Variants in GREB1L observed in about 807,000 individuals in gnomAD.
GREB1L encodes GREB1 like retinoic acid receptor coactivator, also known as GREB1-like protein.
GREB1L carries 17 observed loss-of-function variants against 200.8 expected under a neutral mutation model. The ratio of observed to expected loss-of-function variants is 0.08; its 90% CI spans 0.06 to 0.13. The LOEUF (loss-of-function observed/expected upper bound fraction) is 0.13. GREB1L is among the 10% of genes least tolerant of loss of function. GREB1L has a pLI of 1.00. For synonymous variants in GREB1L, 789 were observed against 893.0 expected, an observed-to-expected ratio of 0.88 and a Z score of 2.08; for missense variants, 1,657 against 2,367.7, an observed-to-expected ratio of 0.70 and a Z score of 6.23.
At chr18:21,413,464 C>G (rs986940813) in intron 7 of GREB1L, among the ~76,000 whole-genome samples, 14 of 152,196 alleles carry the variant, frequency 9.2e-5, no homozygotes, top group African/African-American at 3.1e-4. Flanking sequence ...CTTATGAATA[C>G]TCAGTTAATG....
chr18:21,248,059 T>G (rs535537724), intron 1 of GREB1L, among the ~76,000 whole-genome samples: 43 of 152,364 alleles, frequency 2.8e-4, no homozygotes, highest in Non-Finnish European at 4.1e-4. Context: ...CATTTTTGCA[T>G]GCTAACCATG....
intron 1 of GREB1L, among the ~76,000 whole-genome samples, chr18:21,364,797 C>T (rs565726974): frequency 6.7e-6 from 1 of 150,124 alleles, no homozygotes; most frequent in South Asian, 2.1e-4. Context: ...CAAAAATTAG[C>T]AATTTTAGAC....
intron 1 of GREB1L, among the ~76,000 whole-genome samples, chr18:21,358,608 C>A (rs1207366864): frequency 3.3e-5 from 5 of 152,210 alleles, no homozygotes. Flanking sequence ...AGCCACCGCG[C>A]CCAGCCTGTT....
intron 17 of GREB1L, among the ~76,000 whole-genome samples, chr18:21,481,477 G>GTA (rs754521942): frequency 1.3e-4 from 17 of 133,320 alleles, no homozygotes; most frequent in Admixed American, 3.8e-4. Context: ...GTGTGTGTGT[G>GTA]TATATATATA....
intron 17 of GREB1L, chr18:21,485,258 C>G (rs998272423): frequency 6.1e-6 from 1 of 163,748 alleles, no homozygotes; most frequent in Non-Finnish European, 1.3e-5. Context: ...CTAGAGCGTT[C>G]TGAGGAAAGC....
intron 15 of GREB1L, chr18:21,468,704 C>G (rs1427073326): frequency 8.8e-6 from 4 of 456,500 alleles, no homozygotes; most frequent in African/African-American, 4.0e-5. Context: ...TCTTTCTCTT[C>G]ATGTCGTTTT....
intron 7 of GREB1L, among the ~76,000 whole-genome samples, chr18:21,407,063 C>T (rs1254991681): frequency 1.1e-4 from 17 of 151,830 alleles, no homozygotes; most frequent in South Asian, 2.1e-4. Flanking sequence ...TTAGTAGAGA[C>T]GGGGTTTCTT....
intron 1 of GREB1L, among the ~76,000 whole-genome samples, chr18:21,278,105 C>G (rs2038199972): frequency 6.6e-6 from 1 of 152,162 alleles, no homozygotes; most frequent in Non-Finnish European, 1.5e-5. Context: ...CAAGGCTGGG[C>G]ACAGTGGCTT....
chr18:21,311,024 G>T (rs1017951458), intron 1 of GREB1L, among the ~76,000 whole-genome samples: 1 of 152,116 alleles, frequency 6.6e-6, no homozygotes, highest in African/African-American at 2.4e-5. Context: ...TCTATAAAAT[G>T]GTGATTGTAG....
intron 1 of GREB1L, among the ~76,000 whole-genome samples, chr18:21,273,056 A>T (rs761058793): frequency 1.3e-5 from 2 of 152,104 alleles, no homozygotes; most frequent in Non-Finnish European, 2.9e-5. Context: ...GCGAAACCCC[A>T]TCTTTACTAA....
chr18:21,320,763 C>CA lies in GREB1L; in HGVS notation c.-119-45251dup, dbSNP rs533673562. ...CCTGGGCAACAGAACGAGACTGTCT[C>CA]AAAAAAAAAAAAAGAAAAAACTATT... On this transcript the variant is annotated intron_variant, in intron 1 of 32. Transcript: ENST00000424526. Among the ~76,000 whole-genome samples, 875 of 113,848 alleles carry CA rather than the reference C, an allele frequency of 7.7e-3. 9 individuals are homozygous for CA. The highest frequency in any genetic ancestry group is 0.022 in the African/African-American group (666 of 30,592). The allele number at this position is 113,848 out of a possible 152,430, so 74.7% of individuals were successfully genotyped here.
In GREB1L at chr18:21,449,802, A is replaced by T. The variant is rs537232259; in HGVS notation, c.1686A>T (p.Lys562Asn). 2.6e-6 allele frequency: 4 copies of T among 1,540,788 alleles called. No individual in the cohort carries two copies. In the African/African-American group the frequency reaches 4.1e-5, roughly 16 times the overall value. ...ATGTGGTGGTAATTTGTGCATCGAA[A>T]ATCAGAGGAAATGAATTTTGTGTGG... The part of the protein sequence containing the change: ...PDYVVVICAS[K>N]IRGNEFCVVV... Residue 562 changes from lysine (K) to asparagine (N), a missense_variant, in exon 12 of 33, where the codon AAA becomes AAT. Coordinates refer to ENST00000424526, the MANE Select transcript of GREB1L (RefSeq NM_001142966.3).
intron 10 of GREB1L, among the ~76,000 whole-genome samples, chr18:21,442,324 C>T (rs561991627): frequency 1.3e-5 from 2 of 152,156 alleles, no homozygotes; most frequent in Non-Finnish European, 2.9e-5. Flanking sequence ...TGTTTACATG[C>T]AGTGTTATTT....
intron 31 of GREB1L, among the ~76,000 whole-genome samples, chr18:21,518,811 G>A (rs2037514767): frequency 6.6e-6 from 1 of 151,744 alleles, no homozygotes; most frequent in Non-Finnish European, 1.5e-5. Context: ...TTTTTAAACT[G>A]CCACTTGCAC....
At chr18:21,508,027 C>T in intron 25 of GREB1L, 91 bp from the exon 26 acceptor site, 1 of 1,237,104 alleles carries the variant, frequency 8.1e-7, no homozygotes, top group Admixed American at 2.1e-5. Context: ...TGTTAGTTTC[C>T]ATCTCTTAAT....
intron 1 of GREB1L, among the ~76,000 whole-genome samples, chr18:21,268,754 G>A (rs1285841134): frequency 6.6e-6 from 1 of 150,734 alleles, no homozygotes; most frequent in Non-Finnish European, 1.5e-5. Flanking sequence ...CACCCACCAC[G>A]CCTGGCTAAT....
chr18:21,308,600 C>A (rs1192018286), intron 1 of GREB1L, among the ~76,000 whole-genome samples: 3 of 152,220 alleles, frequency 2.0e-5, no homozygotes, highest in Non-Finnish European at 4.4e-5. Flanking sequence ...TGGTACCACA[C>A]AGTGCCTTGC....
At chr18:21,384,869 G>A (rs553120832) in intron 4 of GREB1L, among the ~76,000 whole-genome samples, 218 of 136,494 alleles carry the variant, frequency 1.6e-3, no homozygotes, top group African/African-American at 5.8e-3. Flanking sequence ...ACACTCATCC[G>A]ATATAGAGGA....
intron 15 of GREB1L, among the ~76,000 whole-genome samples, chr18:21,466,126 T>G (rs2035253824): frequency 6.6e-6 from 1 of 152,154 alleles, no homozygotes; most frequent in Non-Finnish European, 1.5e-5. Flanking sequence ...TAGCTGTAAT[T>G]CATTCATTTT....
Sources: allele counts gnomAD v4.1 joint callset (sites outside exome capture counted in the v4.1 genomes callset), GRCh38; gene constraint gnomAD v4.1.1; transcripts MANE v1.5; gene names NCBI Gene and HGNC (gene_info 2026-07-23, HGNC 2026-07-21).